Variants in CNTNAP5 observed in about 807,000 individuals in gnomAD.
CNTNAP5 encodes contactin associated protein family member 5.
A neutral mutation model predicts 150.2 loss-of-function variants in CNTNAP5; 72 were observed. The observed-to-expected ratio is 0.48, with a 90% CI of 0.40 to 0.58. The LOEUF is 0.58. Ranked by LOEUF, CNTNAP5 falls within the 20% of genes least tolerant of loss-of-function variation. The pLI is 0.00. For synonymous variants in CNTNAP5, 672 were observed against 619.8 expected (o/e 1.08, Z -1.25); for missense variants, 1,636 against 1,626.2 (o/e 1.01, Z -0.10).
intron 11 of CNTNAP5, among the ~76,000 whole-genome samples, chr2:124,608,945 GA>G (rs112250706): frequency 2.5e-3 from 309 of 121,286 alleles, no homozygotes; most frequent in African/African-American, 6.7e-3. Flanking sequence ...TCTACCTCAA[GA>G]AAAAAAAAAA....
chr2:124,699,386 C>A (rs1026607634), intron 13 of CNTNAP5, among the ~76,000 whole-genome samples: 3 of 152,168 alleles, frequency 2.0e-5, no homozygotes, highest in Non-Finnish European at 4.4e-5. Flanking sequence ...AAAACTCCCC[C>A]AGAATATTTT....
intron 13 of CNTNAP5, among the ~76,000 whole-genome samples, chr2:124,698,424 G>A (rs898462963): frequency 7.0e-6 from 1 of 143,710 alleles, no homozygotes; most frequent in African/African-American, 2.5e-5. Flanking sequence ...TTATTTATAT[G>A]TATATATTTA....
At chr2:124,377,487 C>CAATAT (rs1308853235) in intron 3 of CNTNAP5, among the ~76,000 whole-genome samples, 1 of 151,748 alleles carries the variant, frequency 6.6e-6, no homozygotes, top group Admixed American at 6.6e-5. Context: ...CAGACCTGAC[C>CAATAT]AATATGATGA....
chr2:124,378,754 A>G (rs1434111188), intron 3 of CNTNAP5, among the ~76,000 whole-genome samples: 1 of 152,094 alleles, frequency 6.6e-6, no homozygotes, highest in Non-Finnish European at 1.5e-5. Context: ...ATATTTATAT[A>G]TCTATTCTTG....
chr2:124,274,809 G>C (rs865989337), intron 3 of CNTNAP5, among the ~76,000 whole-genome samples: 7 of 152,228 alleles, frequency 4.6e-5, no homozygotes, highest in Non-Finnish European at 8.8e-5. Flanking sequence ...ATCTCCCTCT[G>C]GTAATCTGGA....
chr2:124,823,125 G>T (rs568199548), intron 19 of CNTNAP5, among the ~76,000 whole-genome samples: 1 of 152,248 alleles, frequency 6.6e-6, no homozygotes, highest in South Asian at 2.1e-4. Context: ...TCACACAACA[G>T]GTATACTTTG....
intron 4 of CNTNAP5, among the ~76,000 whole-genome samples, chr2:124,419,984 CTTTCTTT>C (rs1692055150): frequency 2.1e-5 from 2 of 94,914 alleles, no homozygotes; most frequent in Admixed American, 2.3e-4. Context: ...TTCTTTCTTT[CTTTCTTT>C]TTTTTTTTTT....
At chr2:124,451,035 A>AC in intron 6 of CNTNAP5, among the ~76,000 whole-genome samples, 1 of 47,996 alleles carries the variant, frequency 2.1e-5, no homozygotes, top group African/African-American at 7.6e-5. Context: ...CTCTTAAAAA[A>AC]AAAAAAAAAA....
chr2:124,379,625 A>C (rs2104736169), intron 3 of CNTNAP5, among the ~76,000 whole-genome samples: 1 of 152,192 alleles, frequency 6.6e-6, no homozygotes, highest in Admixed American at 6.5e-5. Context: ...ACTGTGTGCA[A>C]GTTTTTTGTG....
At chr2:124,404,190 C>G (rs1051698867) in intron 3 of CNTNAP5, among the ~76,000 whole-genome samples, 5 of 152,238 alleles carry the variant, frequency 3.3e-5, no homozygotes, top group Non-Finnish European at 1.5e-5. Context: ...ACCAGACTTG[C>G]AACAGAGTCT....
intron 1 of CNTNAP5, among the ~76,000 whole-genome samples, chr2:124,096,600 T>C (rs1185971157): frequency 2.0e-5 from 3 of 152,170 alleles, no homozygotes; most frequent in Non-Finnish European, 2.9e-5. Context: ...GCATATCATA[T>C]ATATTCCAAT....
At chr2:124,058,241 C>A (rs568562141) in intron 1 of CNTNAP5, among the ~76,000 whole-genome samples, 1 of 152,100 alleles carries the variant, frequency 6.6e-6, no homozygotes, top group Admixed American at 6.5e-5. Context: ...AGAATAAAGA[C>A]AAAATTTTAT....
chr2:124,560,339 A>T (rs1695858883), intron 10 of CNTNAP5, among the ~76,000 whole-genome samples: 1 of 151,972 alleles, frequency 6.6e-6, no homozygotes, highest in Admixed American at 6.6e-5. Context: ...GTAGAGATGG[A>T]TAAACCTCAT....
At chr2:124,050,974 A>T (rs924211944) in intron 1 of CNTNAP5, among the ~76,000 whole-genome samples, 6 of 152,114 alleles carry the variant, frequency 3.9e-5, no homozygotes, top group African/African-American at 1.4e-4. Context: ...TGTGTAGAGA[A>T]TTTTCCTGGA....
intron 6 of CNTNAP5, among the ~76,000 whole-genome samples, chr2:124,467,460 G>A (rs773011495): frequency 1.1e-4 from 17 of 152,084 alleles, no homozygotes; most frequent in Non-Finnish European, 1.8e-4. Flanking sequence ...CTTCCATAGT[G>A]GTAATTCTTA....
chr2:124,643,477 A>G (rs1272546225), intron 12 of CNTNAP5, among the ~76,000 whole-genome samples: 2 of 152,202 alleles, frequency 1.3e-5, no homozygotes, highest in African/African-American at 2.4e-5. Flanking sequence ...TACATAGGGC[A>G]ATTCTATAGT....
At chr2:124,172,779 CTGTG>C (rs59743272) in intron 1 of CNTNAP5, among the ~76,000 whole-genome samples, 101,566 of 149,206 alleles carry the variant, frequency 0.68, 34,696 homozygotes, top group African/African-American at 0.72. Context: ...CTCTCTCTCT[CTGTG>C]TGTGTGTGTG....
intron 17 of CNTNAP5, among the ~76,000 whole-genome samples, chr2:124,780,045 G>T (rs945829928): frequency 1.1e-4 from 17 of 152,140 alleles, no homozygotes; most frequent in Admixed American, 1.0e-3. Flanking sequence ...TGAAGGCAGA[G>T]CTCCCCGTGC....
intron 10 of CNTNAP5, among the ~76,000 whole-genome samples, chr2:124,532,857 G>A (rs1198516795): frequency 2.0e-5 from 3 of 152,132 alleles, no homozygotes; most frequent in East Asian, 1.9e-4. Flanking sequence ...ACTGGAATGC[G>A]GTAGATGCTC....
Sources: gnomAD v4.1 joint callset for allele counts (sites outside exome capture counted in the v4.1 genomes callset) on GRCh38, gnomAD v4.1.1 for gene constraint, MANE v1.5 for transcripts, NCBI Gene and HGNC (gene_info 2026-07-23, HGNC 2026-07-21) for gene names.